The following NOX5 variants were observed in gnomAD, a reference collection of about 807,000 sequenced individuals.
NOX5 encodes the protein NADPH oxidase 5, also known as NADPH oxidase, EF-hand calcium binding domain 5.
Under a neutral mutation model 85.7 loss-of-function variants are expected in NOX5, and 76 were observed. That is an observed-to-expected ratio of 0.89 (90% CI 0.74 to 1.07). The LOEUF is 1.07. NOX5 is among the 50% of genes least tolerant of loss of function. The probability of loss-of-function intolerance (pLI) is 0.00; values close to 1 mark genes in which losing one functional copy is unlikely to be tolerated. For missense variants in NOX5, 973 were observed against 999.5 expected (o/e 0.97, Z 0.36); for synonymous variants, 405 against 401.4 (o/e 1.01, Z -0.11).
Position 69,035,846 on chromosome 15 carries a change from G to C in NOX5, c.1098G>C (p.Ser366=). 6.2e-7 allele frequency: 1 copy of C among 1,614,158 alleles called. No homozygotes were observed. Among genetic ancestry groups the C allele is most frequent in the Non-Finnish European group, 8.5e-7 (1 of 1,180,030 alleles). ...CTGGCATTGGCTGGGTACACGGTTCGGCCTCCCCGACAGGTGTCGCTCTGC... is the reference window on the plus strand; with the variant it reads ...CTGGCATTGGCTGGGTACACGGTTCCGCCTCCCCGACAGGTGTCGCTCTGC... The part of the protein sequence containing the change: ...TRPGIGWVHG[S]ASPTGVALLL... The change falls in exon 7 of 16, where the codon TCG becomes TCC. Residue 366 remains serine (S), a synonymous_variant. Coordinates refer to ENST00000388866, the MANE Select transcript of NOX5 (RefSeq NM_024505.4).
Position 69,061,085 on chromosome 15 carries a change from CAT to C in NOX5, c.*4390_*4391del, listed in dbSNP as rs752136559. On this transcript the variant is annotated 3_prime_UTR_variant, in exon 16 of 16. Coordinates refer to ENST00000388866, the MANE Select transcript of NOX5 (RefSeq NM_024505.4). ...GTAAGGTTTCACTTCCTGTATTACT[CAT>C]GTGATATTTTACTTTTTAATTTATG... 7 of 152,234 alleles carry C rather than the reference CAT, an allele frequency of 4.6e-5. No individual in the cohort carries two copies. The highest frequency in any genetic ancestry group is 7.3e-5 in the Non-Finnish European group (5 of 68,046). The allele number at this position is 152,234 out of a possible 1,614,324, so 9.4% of individuals were successfully genotyped here.
intron 6 of NOX5, 124 bp downstream of exon 6, chr15:69,035,631 C>T: frequency 6.4e-7 from 1 of 1,553,256 alleles, no homozygotes; most frequent in Non-Finnish European, 8.7e-7. Context: ...CCTGGATAAG[C>T]CAACGCTCTG....
rs764557559 is a variant in NOX5, at chr15:69,033,236, G to C, written c.814G>C (p.Gly272Arg). Residue 272 changes from glycine (G) to arginine (R), a missense_variant, in exon 5 of 16, where the codon GGC (glycine) becomes CGC (arginine). Physicochemically the swap from Gly to Arg is moderately radical, Grantham distance 125 (BLOSUM62 -2). Coordinates refer to ENST00000388866, the MANE Select transcript of NOX5 (RefSeq NM_024505.4). ...DLGASVMVAK[G>R]CGQCLNFDCS... ...CGGCGCCAGCGTCATGGTGGCCAAG[G>C]GCTGCGGCCAGTGCCTCAACTTCGA... 3 of 1,598,080 alleles carry C rather than the reference G, an allele frequency of 1.9e-6. No homozygotes were observed. In the Admixed American group the frequency reaches 5.0e-5, roughly 27 times the overall value.
At chr15:69,049,079 G>A in intron 14 of NOX5, 21 bp downstream of exon 14, 1 of 1,567,516 alleles carries the variant, frequency 6.4e-7, no homozygotes, top group Non-Finnish European at 8.7e-7. Flanking sequence ...GACAGGGCCT[G>A]AGGGCAGTAG....
Position 69,058,682 on chromosome 15 carries a change from C to T in NOX5, c.*1986C>T, listed in dbSNP as rs1451046095. ...CTTCCAACCAGATCGTGTTTAATTT[C>T]CAGCAAGCCTGGGGAGGCACACAAC... On this transcript the variant is annotated 3_prime_UTR_variant, in exon 16 of 16. Coordinates refer to ENST00000388866, the MANE Select transcript of NOX5 (RefSeq NM_024505.4). The T allele has an allele frequency of 6.6e-6, 1 of 152,110 alleles. No individual in the cohort carries two copies. Among genetic ancestry groups the T allele is most frequent in the Non-Finnish European group, 1.5e-5 (1 of 68,036 alleles). The allele number at this position is 152,110 out of a possible 1,614,324, so 9.4% of individuals were successfully genotyped here.
Position 69,033,022 on chromosome 15 carries a change from C to T in NOX5, c.621-21C>T, listed in dbSNP as rs187947319. Reference sequence around the variant, plus strand: ...CCCCGCCCCACCGCTCGCCTCTGAGCGGAACCCGCCTCTCTCGCAGCGCTG... The same window carrying T: ...CCCCGCCCCACCGCTCGCCTCTGAGTGGAACCCGCCTCTCTCGCAGCGCTG... On this transcript the variant is annotated intron_variant, in intron 4 of 15. Transcript: ENST00000388866. The T allele has an allele frequency of 1.6e-4, 244 of 1,523,620 alleles. No individual in the cohort carries two copies. The African/African-American group carries it at 3.2e-3, about 20-fold the overall frequency. 94.4% of individuals were successfully genotyped at this position (1,523,620 alleles called of 1,614,324 possible). A position where few individuals can be genotyped will look rare whatever the true frequency, so the allele number is the denominator to read the frequency against.
In NOX5 at chr15:69,056,617, G is replaced by A. The variant is rs1425711929; in HGVS notation, c.2219G>A (p.Cys740Tyr). 4 of 1,613,696 alleles carry A rather than the reference G, an allele frequency of 2.5e-6. No homozygotes were observed. The highest frequency in any genetic ancestry group is 3.3e-5 in the Admixed American group (2 of 60,002). Residue 740 changes from cysteine to tyrosine, a missense_variant, in exon 16 of 16, where the codon TGT becomes TAT. Physicochemically the swap from Cys to Tyr is radical, Grantham distance 194 (BLOSUM62 -2). Transcript: ENST00000388866. ...AAGGGCAAGGTGCAGGTCTTCTTCT[G>A]TGGCTCCCCAGCTCTGGCCAAGGTG... is the stretch of plus-strand genomic sequence containing the variant. ...EKKGKVQVFF[C>Y]GSPALAKVLK... is the part of the protein sequence containing the mutation.
At chr15:69,046,737 C>A in intron 10 of NOX5, 85 bp from the exon 11 acceptor site, 3 of 1,335,246 alleles carry the variant, frequency 2.2e-6, no homozygotes, top group South Asian at 1.4e-5. Flanking sequence ...TAAAGTTGCT[C>A]AGACTGGCAA....
chr15:69,055,213 C>T (rs767487808), intron 14 of NOX5, 121 bp from the exon 15 acceptor site: 1 of 1,077,130 alleles, frequency 9.3e-7, no homozygotes, highest in Non-Finnish European at 1.3e-6. Context: ...CACAACAGAT[C>T]CTGGGCAAAA....
intron 7 of NOX5, among the ~76,000 whole-genome samples, 191 bp from the exon 8 acceptor site, chr15:69,036,837 T>G (rs1351750779): frequency 1.3e-5 from 2 of 152,110 alleles, no homozygotes; most frequent in African/African-American, 4.8e-5. Flanking sequence ...GAATCTTCCC[T>G]TACAGCCTCC....
intron 5 of NOX5, among the ~76,000 whole-genome samples, chr15:69,034,681 A>G (rs1442500138): frequency 1.3e-5 from 2 of 152,236 alleles, no homozygotes; most frequent in East Asian, 3.8e-4. Context: ...CTCGAGAACT[A>G]ACACAACACG....
At chr15:69,046,751 C>A (rs2050678362) in intron 10 of NOX5, 71 bp from the exon 11 acceptor site, 1 of 1,478,618 alleles carries the variant, frequency 6.8e-7, no homozygotes, top group Non-Finnish European at 9.3e-7. Flanking sequence ...CTGGCAAGGG[C>A]AAGAAACTTC....
At chr15:69,055,296 C>T in intron 14 of NOX5, 38 bp from the exon 15 acceptor site, 2 of 1,608,010 alleles carry the variant, frequency 1.2e-6, no homozygotes, top group South Asian at 1.1e-5. Context: ...ATGATGGGTA[C>T]TAGACCCTCA....
chr15:69,016,494 G>A (rs2050233762), intron 1 of NOX5, among the ~76,000 whole-genome samples: 1 of 152,204 alleles, frequency 6.6e-6, no homozygotes, highest in Non-Finnish European at 1.5e-5. Context: ...TGAAGCCTGG[G>A]ACTTAGGCCT....
At position 69,062,310 on chromosome 15, in the gene NOX5, C is replaced by T. The variant is rs924753174; in HGVS notation, c.*5614C>T. The stretch of plus-strand genomic sequence containing the variant: ...GCCAGAAAGGAAGCTTGGAAGACCA[C>T]CCAGCTAACTGGTCTTCCTTTCTCC... On this transcript the variant is annotated 3_prime_UTR_variant, in exon 16 of 16. Coordinates refer to ENST00000388866, the MANE Select transcript of NOX5 (RefSeq NM_024505.4). 1 of 151,998 alleles carries T rather than the reference C, an allele frequency of 6.6e-6. No homozygotes were observed. Among genetic ancestry groups the T allele is most frequent in the Admixed American group, 6.5e-5 (1 of 15,284 alleles). 9.4% of individuals were successfully genotyped at this position (151,998 alleles called of 1,614,324 possible). A position where few individuals can be genotyped will look rare whatever the true frequency, so the allele number is the denominator to read the frequency against.
chr15:69,044,524 G>A (rs1219770923), intron 10 of NOX5, among the ~76,000 whole-genome samples: 1 of 152,072 alleles, frequency 6.6e-6, no homozygotes, highest in African/African-American at 2.4e-5. Context: ...CGAACAATAG[G>A]AAAATACCTA....
intron 14 of NOX5, among the ~76,000 whole-genome samples, chr15:69,054,770 C>T (rs546650316): frequency 5.1e-4 from 77 of 152,322 alleles, no homozygotes; most frequent in African/African-American, 1.6e-3. Flanking sequence ...TCCATTCACT[C>T]GACCCTTGAC....
Position 69,042,691 on chromosome 15 carries a change from A to G in NOX5, c.1533A>G (p.Gln511=). ...KDTIWLHIRS[Q]GQWTNRLYES... Reference sequence around the variant, plus strand: ...CTATCTGGCTGCACATTCGGTCCCAAGGCCAGTGGACAAACAGGCTGTATG... The same window carrying G: ...CTATCTGGCTGCACATTCGGTCCCAGGGCCAGTGGACAAACAGGCTGTATG... Residue 511 remains glutamine (Q), a synonymous_variant, in exon 10 of 16, where the codon CAA becomes CAG. Transcript: ENST00000388866. The G allele has an allele frequency of 1.2e-6, 2 of 1,613,908 alleles. No individual in the cohort carries two copies. Among genetic ancestry groups the G allele is most frequent in the Non-Finnish European group, 1.7e-6 (2 of 1,179,990 alleles).
rs1286487147 is a variant in NOX5 at position 69,031,811 on chromosome 15, A to C, written c.619A>C (p.Ser207Arg). 1.2e-5 allele frequency: 19 copies of C among 1,593,182 alleles called. No homozygotes were observed. Among genetic ancestry groups the C allele is most frequent in the Non-Finnish European group, 1.6e-5 (19 of 1,164,932 alleles). Residue 207 changes from serine (S) to arginine (R), a missense_variant and splice_region_variant, in exon 4 of 16, where the codon AGC becomes CGC. Coordinates refer to ENST00000388866, the MANE Select transcript of NOX5 (RefSeq NM_024505.4). ...CGGAGTCATGGAGAACCTGACCATC[A>C]GGTACGGCCGGGTCTCGGGCATTGG... The part of the protein sequence containing the change: ...FPGVMENLTI[S>R]AAHWLTAPAP...
Sources: allele counts gnomAD v4.1 joint callset (sites outside exome capture counted in the v4.1 genomes callset), GRCh38; gene constraint gnomAD v4.1.1; transcripts MANE v1.5; gene names NCBI Gene and HGNC (gene_info 2026-07-23, HGNC 2026-07-21).